The following KIF13A variants were observed in gnomAD, a reference collection of about 807,000 sequenced individuals.
The protein encoded by KIF13A is kinesin-like protein KIF13A.
A neutral mutation model predicts 212.2 loss-of-function variants in KIF13A; 79 were observed. The ratio of observed to expected loss-of-function variants is 0.37; its 90% CI spans 0.31 to 0.45. The LOEUF (loss-of-function observed/expected upper bound fraction) is 0.45. Among genes scored for constraint, KIF13A ranks in the 20% least tolerant of loss-of-function variants. KIF13A has a pLI of 1.00. For missense variants in KIF13A, 1,901 were observed against 2,209.0 expected (o/e 0.86, Z 2.79); for synonymous variants, 789 against 808.6 (o/e 0.98, Z 0.41).
chr6:17,858,081 ATG>A (rs58092993), intron 4 of KIF13A, among the ~76,000 whole-genome samples: 63,095 of 144,122 alleles, frequency 0.44, 13,376 homozygotes, highest in East Asian at 0.63. Context: ...TCAAATAGTT[ATG>A]TGTGTGTGTG....
At chr6:17,978,673 G>C (rs1780800756) in intron 2 of KIF13A, among the ~76,000 whole-genome samples, 1 of 152,136 alleles carries the variant, frequency 6.6e-6, no homozygotes, top group Non-Finnish European at 1.5e-5. Flanking sequence ...TTGAGAAAGG[G>C]TAACTTTAGT....
At chr6:17,911,928 C>A (rs1346608372) in intron 2 of KIF13A, among the ~76,000 whole-genome samples, 1 of 152,014 alleles carries the variant, frequency 6.6e-6, no homozygotes, top group East Asian at 1.9e-4. Flanking sequence ...CCATGCCCAG[C>A]TAATTTTTTG....
At chr6:17,889,041 G>C (rs1015799388) in intron 3 of KIF13A, among the ~76,000 whole-genome samples, 1 of 152,084 alleles carries the variant, frequency 6.6e-6, no homozygotes, top group Non-Finnish European at 1.5e-5. Context: ...AATAGTACAG[G>C]TCTAGAACTC....
downstream of KIF13A, among the ~76,000 whole-genome samples, chr6:17,763,475 C>CAAAAAAAAAAAA (rs67357010): frequency 1.3e-5 from 1 of 75,760 alleles, no homozygotes; most frequent in African/African-American, 5.6e-5. Flanking sequence ...CACTCCATCT[C>CAAAAAAAAAAAA]AAAAAAAAAA....
rs866666484 is a variant in KIF13A at position 17,915,965 on chromosome 6, T to C, written c.147-17785A>G. Among the ~76,000 whole-genome samples the C allele has an allele frequency of 7.2e-5, 9 of 125,598 alleles. No individual in the cohort carries two copies. The South Asian group carries it at 2.3e-3, about 31-fold the overall frequency. 82.4% of individuals were successfully genotyped at this position (125,598 alleles called of 152,430 possible). Reference sequence around the variant, plus strand: ...AAAAAAAATAAAAATAAAAATAAAATAAAATAAAATAAATTACAGTTCAAA... The same window carrying C: ...AAAAAAAATAAAAATAAAAATAAAACAAAATAAAATAAATTACAGTTCAAA... On this transcript the variant is annotated intron_variant, in intron 2 of 38. Transcript: ENST00000259711. This position sits in a 1 kb window ranked among gnomAD's most constrained non-coding sequence, Gnocchi z 4.4.
In KIF13A at chr6:17,796,812, C is replaced by G. The variant is rs757618739; in HGVS notation, c.2799G>C (p.Val933=). 1 of 1,547,540 alleles carries G rather than the reference C, an allele frequency of 6.5e-7. No individual in the cohort carries two copies. The highest frequency in any genetic ancestry group is 1.2e-5 in the South Asian group (1 of 82,564). ...TVTFSHCKDY[V]VNVTEEFLEF... ...CCAGAAATTCTTCTGTTACATTCAC[C>G]ACATAGTCCTGGGATAAGTGGGGGA... The change falls in exon 23 of 39, where the codon GTG becomes GTC. Residue 933 remains valine (V), a synonymous_variant. Coordinates refer to ENST00000259711, the MANE Select transcript of KIF13A (RefSeq NM_022113.6).
chr6:17,980,652 G>A (rs1412217915), intron 2 of KIF13A, among the ~76,000 whole-genome samples: 1 of 150,892 alleles, frequency 6.6e-6, no homozygotes, highest in Admixed American at 6.6e-5. Flanking sequence ...TAAGTACACA[G>A]AAAAAAAAGC....
chr6:17,963,585 T>A lies in KIF13A; in HGVS notation c.146+23469A>T, dbSNP rs1283639805. Reference sequence around the variant, plus strand: ...ATATCTTTCTTTTTTTGAGACAGAGTCTTGCTGTGTCGCCTAGGCTGGAGT... The same window carrying A: ...ATATCTTTCTTTTTTTGAGACAGAGACTTGCTGTGTCGCCTAGGCTGGAGT... On this transcript the variant is annotated intron_variant, in intron 2 of 38. Transcript: ENST00000259711. The surrounding 1 kb of genome is among the most constrained non-coding windows in gnomAD (Gnocchi z 4.1). Among the ~76,000 whole-genome samples, 1 of 152,126 alleles carries A rather than the reference T, an allele frequency of 6.6e-6. No homozygotes were observed. The highest frequency in any genetic ancestry group is 1.5e-5 in the Non-Finnish European group (1 of 68,018).
chr6:17,987,446 T>C lies in KIF13A; in HGVS notation c.18A>G (p.Val6=). MSDTK[V]KVAVRVRPMN... ...TGGGCCGGACCCGGACGGCAACTTT[T>C]ACCTTGGTATCCGACATGTTGGCTG... The change falls in exon 1 of 39, where the codon GTA becomes GTG. Residue 6 remains valine, a synonymous_variant. Coordinates refer to ENST00000259711, the MANE Select transcript of KIF13A (RefSeq NM_022113.6). This position sits in a 1 kb window ranked among gnomAD's most constrained non-coding sequence, Gnocchi z 7.7. The C allele has an allele frequency of 7.5e-7, 1 of 1,335,126 alleles. No homozygotes were observed. 82.7% of individuals were successfully genotyped at this position (1,335,126 alleles called of 1,614,324 possible). A position where few individuals can be genotyped will look rare whatever the true frequency, so the allele number is the denominator to read the frequency against.
intron 34 of KIF13A, 131 bp from the exon 35 acceptor site, chr6:17,775,193 C>G: frequency 1.5e-6 from 1 of 665,720 alleles, no homozygotes; most frequent in Non-Finnish European, 2.5e-6. Flanking sequence ...TCTTCCCTCT[C>G]CAGGAGTAGT....
chr6:17,807,444 C>A (rs967059029), intron 18 of KIF13A, among the ~76,000 whole-genome samples: 8 of 152,056 alleles, frequency 5.3e-5, no homozygotes, highest in Non-Finnish European at 1.2e-4. Flanking sequence ...TCCTGCAGTA[C>A]CCTCAAGCTT....
chr6:17,894,106 G>A (rs1428635987), intron 3 of KIF13A, among the ~76,000 whole-genome samples: 1 of 150,094 alleles, frequency 6.7e-6, no homozygotes, highest in Non-Finnish European at 1.5e-5. Flanking sequence ...CCAAAGTGCT[G>A]GGATTACAGG....
At chr6:17,840,774 T>C (rs1178189854) in intron 9 of KIF13A, among the ~76,000 whole-genome samples, 1 of 152,222 alleles carries the variant, frequency 6.6e-6, no homozygotes, top group Non-Finnish European at 1.5e-5. Context: ...CCATCATATG[T>C]CTTGTCTGCA....
intron 2 of KIF13A, among the ~76,000 whole-genome samples, chr6:17,983,603 C>T (rs1304369551): frequency 6.6e-6 from 1 of 152,050 alleles, no homozygotes; most frequent in Non-Finnish European, 1.5e-5. Flanking sequence ...GGCGATTCTC[C>T]TGCCTTAGGC....
At chr6:17,882,517 TTTTAA>T (rs917174386) in intron 3 of KIF13A, among the ~76,000 whole-genome samples, 5 of 152,106 alleles carry the variant, frequency 3.3e-5, no homozygotes, top group African/African-American at 9.7e-5. Flanking sequence ...ACCTACCCCC[TTTTAA>T]TTTGTTTCCT....
At chr6:17,836,655 ACTATCACGAGAACAGCAAGGGGGAAG>A (rs1201323853) in intron 11 of KIF13A, among the ~76,000 whole-genome samples, 197 bp downstream of exon 11, 10 of 152,198 alleles carry the variant, frequency 6.6e-5, no homozygotes, top group Admixed American at 6.5e-4. Context: ...ATGAGAACTC[ACTATCACGAGAACAGCAAGGGGGAAG>A]TTCGCCCCCA....
intron 17 of KIF13A, among the ~76,000 whole-genome samples, chr6:17,814,446 A>G (rs1763738428): frequency 6.6e-6 from 1 of 150,688 alleles, no homozygotes; most frequent in African/African-American, 2.4e-5. Context: ...ACGGGGTTTC[A>G]CCATCTTGGC....
At chr6:17,822,038 A>AAATT in intron 16 of KIF13A, 1 of 756,566 alleles carries the variant, frequency 1.3e-6, no homozygotes, top group Non-Finnish European at 1.9e-6. Context: ...GGGGAAACAT[A>AAATT]ACTTCTTTTT....
intron 4 of KIF13A, among the ~76,000 whole-genome samples, chr6:17,868,917 C>A (rs1490125706): frequency 7.2e-6 from 1 of 139,736 alleles, no homozygotes; most frequent in Admixed American, 7.4e-5. Flanking sequence ...TCGCTTGAAC[C>A]CAAGGAGGCG....
Sources: allele counts gnomAD v4.1 joint callset (sites outside exome capture counted in the v4.1 genomes callset), GRCh38; gene constraint gnomAD v4.1.1; non-coding constraint Gnocchi (gnomAD v3.1); transcripts MANE v1.5; gene names NCBI Gene and HGNC (gene_info 2026-07-23, HGNC 2026-07-21).